GRIA1: variants seen among roughly 807,000 people sequenced by gnomAD.
GRIA1 encodes the protein glutamate ionotropic receptor AMPA type subunit 1.
In GRIA1, 31 loss-of-function variants were observed where a neutral mutation model predicts 99.2. That is an observed-to-expected ratio of 0.31 (90% confidence interval 0.23 to 0.42). The LOEUF (loss-of-function observed/expected upper bound fraction) is 0.42. Ranked by LOEUF, GRIA1 falls within the 10% of genes least tolerant of loss-of-function variation. The probability of loss-of-function intolerance (pLI) is 1.00; values close to 1 mark genes in which losing one functional copy is unlikely to be tolerated. For synonymous variants in GRIA1, 438 were observed against 432.4 expected, an observed-to-expected ratio of 1.01 and a Z score of -0.16; for missense variants, 782 against 1,157.5, an observed-to-expected ratio of 0.68 and a Z score of 4.71.
At chr5:153,675,957 C>T (rs964456499) in intron 6 of GRIA1, among the ~76,000 whole-genome samples, 7 of 151,522 alleles carry the variant, frequency 4.6e-5, no homozygotes, top group Admixed American at 2.6e-4. Flanking sequence ...CCCGAGTTCA[C>T]GCCATTCTCC....
intron 2 of GRIA1, among the ~76,000 whole-genome samples, chr5:153,554,314 A>G (rs895971746): frequency 1.3e-5 from 2 of 152,172 alleles, no homozygotes; most frequent in Non-Finnish European, 2.9e-5. Flanking sequence ...CTCTGAGCTG[A>G]AAATGCTGTC....
intron 12 of GRIA1, 53 bp downstream of exon 12, chr5:153,764,685 C>T: frequency 8.0e-7 from 1 of 1,257,432 alleles, no homozygotes; most frequent in Non-Finnish European, 1.2e-6. Flanking sequence ...CCACAACTGT[C>T]ATTAAAATGT....
At chr5:153,639,996 C>A (rs757276597) in intron 2 of GRIA1, among the ~76,000 whole-genome samples, 1 of 152,202 alleles carries the variant, frequency 6.6e-6, no homozygotes, top group African/African-American at 2.4e-5. Context: ...TGTTCACAGA[C>A]GTGCTTCTTT....
intron 14 of GRIA1, among the ~76,000 whole-genome samples, chr5:153,801,993 G>T (rs549782697): frequency 6.6e-6 from 1 of 151,944 alleles, no homozygotes; most frequent in East Asian, 1.9e-4. Flanking sequence ...AAAAGGAAGG[G>T]ACATGGTTTT....
intron 2 of GRIA1, among the ~76,000 whole-genome samples, chr5:153,529,852 A>C (rs1030901583): frequency 2.0e-5 from 3 of 152,170 alleles, no homozygotes; most frequent in Non-Finnish European, 2.9e-5. Flanking sequence ...TTCACACAAT[A>C]AAATGAGCCC....
At chr5:153,576,851 G>A (rs1411826420) in intron 2 of GRIA1, among the ~76,000 whole-genome samples, 1 of 152,158 alleles carries the variant, frequency 6.6e-6, no homozygotes, top group African/African-American at 2.4e-5. Context: ...GGTTATAATT[G>A]TTGGACTCTT....
At chr5:153,686,528 T>C (rs10075495) in intron 8 of GRIA1, among the ~76,000 whole-genome samples, 199 bp downstream of exon 8, 25,797 of 152,176 alleles carry the variant, frequency 0.17, 2,470 homozygotes, top group African/African-American at 0.25. Context: ...AATCCATTCA[T>C]TCATTTGCAA....
intron 7 of GRIA1, among the ~76,000 whole-genome samples, chr5:153,679,731 G>A (rs1756841754): frequency 6.6e-6 from 1 of 152,210 alleles, no homozygotes; most frequent in Admixed American, 6.5e-5. Flanking sequence ...AGGCTTGGAG[G>A]CTCAGGTCTC....
At chr5:153,609,721 C>T (rs1351669989) in intron 2 of GRIA1, among the ~76,000 whole-genome samples, 3 of 151,958 alleles carry the variant, frequency 2.0e-5, no homozygotes, top group Admixed American at 6.6e-5. Context: ...CACCACCACA[C>T]CCAGCTAATT....
chr5:153,759,133 T>A, intron 11 of GRIA1, among the ~76,000 whole-genome samples: 1 of 149,360 alleles, frequency 6.7e-6, no homozygotes, highest in Non-Finnish European at 1.5e-5. Flanking sequence ...AGTAGAAAGA[T>A]ATTAACAACC....
chr5:153,677,102 C>G lies in GRIA1; in HGVS notation c.970C>G (p.Leu324Val). ...ISRRGNAGDC[L>V]ANPAVPWGQG... ...TCGCCGGGGGAATGCTGGGGATTGT[C>G]TGGCTAACCCAGCTGTTCCCTGGGG... The change falls in exon 7 of 16, where the codon CTG becomes GTG. Residue 324 changes from leucine to valine, a missense_variant. This residue lies in a region of GRIA1 where 461 missense variants were observed against 521.7 expected (regional missense o/e 0.88). Coordinates refer to ENST00000285900, the MANE Select transcript of GRIA1 (RefSeq NM_000827.4). The G allele has an allele frequency of 6.3e-7, 1 of 1,582,446 alleles. No homozygotes were observed. The highest frequency in any genetic ancestry group is 2.3e-5 in the East Asian group (1 of 43,068).
intron 11 of GRIA1, among the ~76,000 whole-genome samples, chr5:153,742,108 GA>G (rs140908652): frequency 6.6e-6 from 1 of 151,782 alleles, no homozygotes; most frequent in African/African-American, 2.4e-5. Context: ...GGAAAGATAC[GA>G]AAAAAAATAT....
At chr5:153,724,449 G>A (rs1454944846) in intron 11 of GRIA1, among the ~76,000 whole-genome samples, 7 of 152,256 alleles carry the variant, frequency 4.6e-5, no homozygotes, top group South Asian at 2.1e-4. Flanking sequence ...AAACTACTCC[G>A]AGCTACAAGA....
At chr5:153,796,735 A>G (rs1037502149) in intron 14 of GRIA1, among the ~76,000 whole-genome samples, 21 of 152,164 alleles carry the variant, frequency 1.4e-4, no homozygotes, top group Non-Finnish European at 1.6e-4. Flanking sequence ...CAGTGACTCA[A>G]TGATAAAGCT....
chr5:153,638,326 T>C (rs1343236686), intron 2 of GRIA1, among the ~76,000 whole-genome samples: 1 of 152,242 alleles, frequency 6.6e-6, no homozygotes, highest in Non-Finnish European at 1.5e-5. Flanking sequence ...TTTAGATGTA[T>C]GTAGTTCCTA....
At chr5:153,658,006 A>C (rs546514527) in intron 5 of GRIA1, among the ~76,000 whole-genome samples, 5 of 152,220 alleles carry the variant, frequency 3.3e-5, no homozygotes, top group Admixed American at 3.3e-4. Flanking sequence ...GGACTTAGGA[A>C]GTCAACTCCA....
intron 5 of GRIA1, among the ~76,000 whole-genome samples, chr5:153,669,554 C>CATCCAG (rs1202541107): frequency 6.6e-6 from 1 of 152,196 alleles, no homozygotes; most frequent in Non-Finnish European, 1.5e-5. Context: ...TTTCCAGTGA[C>CATCCAG]TAATGGATGA....
chr5:153,736,936 C>T (rs905706546), intron 11 of GRIA1, among the ~76,000 whole-genome samples: 1 of 152,124 alleles, frequency 6.6e-6, no homozygotes, highest in South Asian at 2.1e-4. Context: ...TAAGATAGAT[C>T]CTGCAATGGA....
chr5:153,500,610 T>TACACACACACACACACAC (rs35636352), intron 2 of GRIA1, among the ~76,000 whole-genome samples: 1 of 120,122 alleles, frequency 8.3e-6, no homozygotes, highest in African/African-American at 3.0e-5. Flanking sequence ...CCCTCTTACA[T>TACACACACACACACACAC]ACACACACAC....
Sources: allele counts gnomAD v4.1 joint callset (sites outside exome capture counted in the v4.1 genomes callset), GRCh38; gene constraint gnomAD v4.1.1; regional missense constraint gnomAD v4.1.1; transcripts MANE v1.5; gene names NCBI Gene and HGNC (gene_info 2026-07-23, HGNC 2026-07-21).